PIGA: variants seen among roughly 807,000 people sequenced by gnomAD.
PIGA encodes phosphatidylinositol glycan anchor biosynthesis class A, also known as phosphatidylinositol N-acetylglucosaminyltransferase subunit A.
A neutral mutation model predicts 17.1 loss-of-function variants in PIGA; 3 were observed. The ratio of observed to expected loss-of-function variants is 0.18; its 90% CI spans 0.08 to 0.45. The LOEUF is 0.45. Ranked by LOEUF, PIGA falls within the 20% of genes least tolerant of loss-of-function variation. PIGA has a pLI of 0.99. For synonymous variants in PIGA, 126 were observed against 135.1 expected (o/e 0.93, Z 0.47); for missense variants, 231 against 374.1 (o/e 0.62, Z 3.16).
intron 2 of PIGA, chrX:15,328,685 C>T (rs1922059985): frequency 8.9e-6 from 1 of 111,845 alleles, no homozygotes; most frequent in Non-Finnish European, 1.9e-5. Flanking sequence ...TGTTCAATTA[C>T]TGAATTGAGT....
rs142178534 is a variant in PIGA, at chrX:15,321,499, C to T, written c.*7G>A. 2 of 1,188,543 alleles carry T rather than the reference C, an allele frequency of 1.7e-6. No individual in the cohort carries two copies. Among genetic ancestry groups the T allele is most frequent in the African/African-American group, 1.8e-5 (1 of 56,726 alleles). Reference sequence around the variant, plus strand: ...AATGTTTAAAATCTTACAATCTAGGCTTCCTTCTACCTGGTTTCAGATATC... The same window carrying T: ...AATGTTTAAAATCTTACAATCTAGGTTTCCTTCTACCTGGTTTCAGATATC... On this transcript the variant is annotated 3_prime_UTR_variant, in exon 6 of 6. Coordinates refer to ENST00000333590, the MANE Select transcript of PIGA (RefSeq NM_002641.4).
At chrX:15,326,090 T>C (rs1048592499) in intron 2 of PIGA, 44 bp from the exon 3 acceptor site, 11 of 935,732 alleles carry the variant, frequency 1.2e-5, no homozygotes, top group Non-Finnish European at 1.5e-5. Flanking sequence ...ATATTTAAAC[T>C]TAAAAAAATT....
chrX:15,322,094 C>G, intron 5 of PIGA, among the ~76,000 whole-genome samples: 1 of 111,562 alleles, frequency 9.0e-6, no homozygotes, highest in Non-Finnish European at 1.9e-5. Flanking sequence ...ATTCCAAAGT[C>G]CCGCAAAGTC....
chrX:15,325,263 C>T, intron 3 of PIGA, 111 bp from the exon 4 acceptor site: 1 of 655,120 alleles, frequency 1.5e-6, no homozygotes, highest in Non-Finnish European at 2.1e-6. Context: ...CTTATTGCTG[C>T]TAATGTTCTC....
Position 15,321,615 on chromosome X carries a change from G to C in PIGA, c.1346C>G (p.Ser449Cys), listed in dbSNP as rs1602206586. 1 of 1,209,646 alleles carries C rather than the reference G, an allele frequency of 8.3e-7. No homozygotes were observed. The highest frequency in any genetic ancestry group is 1.1e-6 in the Non-Finnish European group (1 of 893,397). ...GGCATCTATTGCAACATCAATGATA[G>C]AATCTGGAGTCATCCATCTCAAGAA... Reference protein sequence around the residue: ...LIFLRWMTPDSIIDVAIDATG... With the variant: ...LIFLRWMTPDCIIDVAIDATG... The change falls in exon 6 of 6, where the codon TCT becomes TGT. Residue 449 changes from serine to cysteine, a missense_variant. Around this residue, in one of 5 missense-constraint regions of PIGA, gnomAD observed 88 missense variants for 100.5 expected, o/e 0.88. Transcript: ENST00000333590.
At chrX:15,324,627 A>G (rs750871914) in intron 5 of PIGA, 38 bp downstream of exon 5, 1 of 1,007,756 alleles carries the variant, frequency 9.9e-7, no homozygotes, top group Non-Finnish European at 1.4e-6. Flanking sequence ...ACATCAAGTA[A>G]GAGTTCAGAC....
At chrX:15,323,524 A>G (rs1274434349) in intron 5 of PIGA, among the ~76,000 whole-genome samples, 1 of 111,154 alleles carries the variant, frequency 9.0e-6, no homozygotes, top group Non-Finnish European at 1.9e-5. Flanking sequence ...CCAACTTTCC[A>G]TGTTTCATAT....
chrX:15,327,756 A>C (rs374901805), intron 2 of PIGA: 8 of 112,173 alleles, frequency 7.1e-5, no homozygotes, highest in African/African-American at 2.6e-4. Context: ...TCAAACAAAC[A>C]AAAAACAACA....
chrX:15,329,439 A>C (rs1453524330), intron 2 of PIGA, among the ~76,000 whole-genome samples: 1 of 111,476 alleles, frequency 9.0e-6, no homozygotes, highest in African/African-American at 3.3e-5. Flanking sequence ...CCCCACCCAA[A>C]AGAAACTCAA....
chrX:15,335,125 G>A (rs1230210477), intron 1 of PIGA, among the ~76,000 whole-genome samples: 2 of 112,357 alleles, frequency 1.8e-5, no homozygotes, highest in East Asian at 2.8e-4. Flanking sequence ...CTGATTCCCT[G>A]AGAGGTCGCT....
At position 15,331,561 on chromosome X, in the gene PIGA, T is replaced by C. The variant is rs762862377; in HGVS notation, c.370A>G (p.Ile124Val). The C allele has an allele frequency of 1.7e-6, 2 of 1,209,732 alleles. No homozygotes were observed. Among genetic ancestry groups the C allele is most frequent in the African/African-American group, 3.5e-5 (2 of 57,184 alleles). Residue 124 changes from isoleucine (I) to valine (V), a missense_variant, in exon 2 of 6, where the codon ATA becomes GTA. Transcript: ENST00000333590. ...RYIFVRERVTIIHSHSSFSAM... is the reference protein window; with the variant it reads ...RYIFVRERVTVIHSHSSFSAM... ...GAAAAAGAACTATGTGAATGGATTA[T>C]CGTGACTCTCTCCCGAACAAATATG...
At chrX:15,327,458 C>T (rs1267475881) in intron 2 of PIGA, among the ~76,000 whole-genome samples, 1 of 111,198 alleles carries the variant, frequency 9.0e-6, no homozygotes, top group Non-Finnish European at 1.9e-5. Context: ...ATTATAGGGT[C>T]ATTTTTATTA....
At position 15,321,601 on chromosome X, in the gene PIGA, C is replaced by A; in HGVS notation, c.1360G>T (p.Ala454Ser). 1 of 1,208,837 alleles carries A rather than the reference C, an allele frequency of 8.3e-7. No individual in the cohort carries two copies. Among genetic ancestry groups the A allele is most frequent in the Non-Finnish European group, 1.1e-6 (1 of 892,660 alleles). Residue 454 changes from alanine to serine, a missense_variant, in exon 6 of 6, where the codon GCA becomes TCA. Around this residue, in one of 5 missense-constraint regions of PIGA, gnomAD observed 88 missense variants for 100.5 expected, o/e 0.88. Transcript: ENST00000333590. ...WMTPDSIIDV[A>S]IDATGPRGAW... is the part of the protein sequence containing the mutation. Reference sequence around the variant, plus strand: ...CCCCGTGGCCCAGTGGCATCTATTGCAACATCAATGATAGAATCTGGAGTC... The same window carrying A: ...CCCCGTGGCCCAGTGGCATCTATTGAAACATCAATGATAGAATCTGGAGTC...
At chrX:15,326,927 T>C (rs1275567383) in intron 2 of PIGA, 4 of 112,235 alleles carry the variant, frequency 3.6e-5, no homozygotes, top group Non-Finnish European at 7.5e-5. Context: ...AGAATCTAGT[T>C]CATTAACAAT....
chrX:15,324,555 A>T (rs1372197856), intron 5 of PIGA, 110 bp downstream of exon 5: 9 of 574,512 alleles, frequency 1.6e-5, no homozygotes, highest in Non-Finnish European at 2.6e-5. Context: ...GATTTCATCA[A>T]CTTAAGCAAT....
At chrX:15,326,171 T>C (rs1295238042) in intron 2 of PIGA, 125 bp from the exon 3 acceptor site, 1 of 398,127 alleles carries the variant, frequency 2.5e-6, no homozygotes, top group Non-Finnish European at 4.2e-6. Flanking sequence ...AGAGAAACTC[T>C]CTTAAACCTT....
At position 15,330,242 on chromosome X, in the gene PIGA, T is replaced by C. The variant is rs1015222121; in HGVS notation, c.715+974A>G. 2.7e-5 allele frequency among the ~76,000 whole-genome samples: 3 copies of C among 112,128 alleles called. No homozygotes were observed. In the Admixed American group the frequency reaches 2.8e-4, roughly 11 times the overall value. ...TGAGACTTAGAGATGTTAAGCTACTTGTCCTCGATCACACAGCAGGACAGA... is the reference window on the plus strand; with the variant it reads ...TGAGACTTAGAGATGTTAAGCTACTCGTCCTCGATCACACAGCAGGACAGA... On this transcript the variant is annotated intron_variant, in intron 2 of 5. Coordinates refer to ENST00000333590, the MANE Select transcript of PIGA (RefSeq NM_002641.4).
At chrX:15,333,214 C>A (rs1477307095) in intron 1 of PIGA, among the ~76,000 whole-genome samples, 1 of 112,221 alleles carries the variant, frequency 8.9e-6, no homozygotes, top group South Asian at 3.7e-4. Context: ...AGTTTGCCAA[C>A]CCCTGCTCTA....
At chrX:15,333,266 C>A (rs1194282011) in intron 1 of PIGA, among the ~76,000 whole-genome samples, 1 of 112,590 alleles carries the variant, frequency 8.9e-6, no homozygotes, top group Non-Finnish European at 1.9e-5. Context: ...GTTTTGCTAG[C>A]ATTACCTTTG....
Sources: allele counts gnomAD v4.1 joint callset (sites outside exome capture counted in the v4.1 genomes callset), GRCh38; gene constraint gnomAD v4.1.1; regional missense constraint gnomAD v4.1.1; transcripts MANE v1.5; gene names NCBI Gene and HGNC (gene_info 2026-07-23, HGNC 2026-07-21).